NRXN3: variants seen among roughly 807,000 people sequenced by gnomAD.
NRXN3 encodes the protein neurexin 3, also known as neurexin III.
NRXN3 carries 32 observed loss-of-function variants against 137.6 expected under a neutral mutation model. The observed-to-expected ratio is 0.23, with a 90% confidence interval of 0.18 to 0.31. NRXN3 has a LOEUF of 0.31. Among genes scored for constraint, NRXN3 ranks in the 10% least tolerant of loss-of-function variants. The pLI is 1.00. For synonymous variants in NRXN3, 798 were observed against 784.5 expected (o/e 1.02, Z -0.29); for missense variants, 1,574 against 2,062.5 (o/e 0.76, Z 4.59).
intron 20 of NRXN3, among the ~76,000 whole-genome samples, chr14:79,837,530 C>T (rs1304366563): frequency 2.0e-5 from 3 of 152,172 alleles, no homozygotes; most frequent in Non-Finnish European, 2.9e-5. Context: ...TACTTATCTC[C>T]TTGCCTTCTC....
At chr14:78,525,498 C>A (rs1200170604) in intron 4 of NRXN3, among the ~76,000 whole-genome samples, 1 of 152,096 alleles carries the variant, frequency 6.6e-6, no homozygotes, top group Non-Finnish European at 1.5e-5. Context: ...TAGATAAAGA[C>A]AGGGATTCTC....
chr14:79,163,582 T>C (rs986590532), intron 15 of NRXN3, among the ~76,000 whole-genome samples: 1 of 151,956 alleles, frequency 6.6e-6, no homozygotes, highest in Non-Finnish European at 1.5e-5. Context: ...TTCCTTCTTG[T>C]CCTTGATATA....
At chr14:79,852,595 T>C (rs1477929990) in intron 20 of NRXN3, among the ~76,000 whole-genome samples, 1 of 152,110 alleles carries the variant, frequency 6.6e-6, no homozygotes, top group Non-Finnish European at 1.5e-5. Flanking sequence ...TTTTTATTTT[T>C]TCAAAGCAAA....
intron 8 of NRXN3, chr14:78,744,473 GAGAAAA>G (rs2098597977): frequency 1.3e-5 from 2 of 152,152 alleles, no homozygotes; most frequent in African/African-American, 4.8e-5. Flanking sequence ...GTTTGCCTTG[GAGAAAA>G]AGAGAATTTC....
At chr14:79,082,943 T>G (rs2047347220) in intron 15 of NRXN3, among the ~76,000 whole-genome samples, 1 of 152,200 alleles carries the variant, frequency 6.6e-6, no homozygotes, top group African/African-American at 2.4e-5. Context: ...GATTTTTCAC[T>G]AGGGGGACAG....
At chr14:78,563,274 A>G (rs2096804285) in intron 4 of NRXN3, among the ~76,000 whole-genome samples, 1 of 152,200 alleles carries the variant, frequency 6.6e-6, no homozygotes, top group Admixed American at 6.5e-5. Flanking sequence ...TCCAATATTC[A>G]TCGATTAGGG....
intron 15 of NRXN3, among the ~76,000 whole-genome samples, chr14:79,287,441 A>G (rs2082447880): frequency 6.6e-6 from 1 of 152,188 alleles, no homozygotes; most frequent in Non-Finnish European, 1.5e-5. Context: ...ATTTGCAGTA[A>G]ACCTGTGCAG....
intron 15 of NRXN3, among the ~76,000 whole-genome samples, chr14:79,165,593 T>C (rs532944397): frequency 1.3e-5 from 2 of 152,158 alleles, no homozygotes; most frequent in Admixed American, 1.3e-4. Flanking sequence ...ACAGTCTTTA[T>C]GTCATGATTT....
intron 8 of NRXN3, among the ~76,000 whole-genome samples, chr14:78,723,349 G>A (rs924244145): frequency 2.0e-5 from 3 of 152,198 alleles, no homozygotes; most frequent in African/African-American, 7.2e-5. Context: ...ATAAAAAAGG[G>A]GCAATGTCAA....
intron 2 of NRXN3, among the ~76,000 whole-genome samples, chr14:78,245,812 G>T (rs1421336438): frequency 1.3e-5 from 2 of 152,142 alleles, no homozygotes; most frequent in Non-Finnish European, 2.9e-5. Context: ...AGCTGGAGAT[G>T]CCAGGCATAT....
chr14:78,994,748 G>T (rs960804420), intron 15 of NRXN3, among the ~76,000 whole-genome samples: 1 of 152,122 alleles, frequency 6.6e-6, no homozygotes, highest in Non-Finnish European at 1.5e-5. Context: ...TGAAACTTTG[G>T]TGTAACATAA....
At chr14:78,512,904 T>A (rs1467807203) in intron 4 of NRXN3, among the ~76,000 whole-genome samples, 2 of 152,192 alleles carry the variant, frequency 1.3e-5, no homozygotes, top group African/African-American at 4.8e-5. Context: ...AGAGTGCTAT[T>A]GATATAATTT....
chr14:78,367,455 A>G (rs1412467143), intron 4 of NRXN3, among the ~76,000 whole-genome samples: 1 of 152,238 alleles, frequency 6.6e-6, no homozygotes, highest in East Asian at 1.9e-4. Flanking sequence ...GTGGTCTGAT[A>G]GTGACCTTAT....
At chr14:78,861,463 T>C (rs541989052) in intron 10 of NRXN3, among the ~76,000 whole-genome samples, 10 of 152,272 alleles carry the variant, frequency 6.6e-5, no homozygotes, top group Middle Eastern at 3.4e-3. Flanking sequence ...AAATAAGAGT[T>C]CACACCTTCT....
intron 4 of NRXN3, among the ~76,000 whole-genome samples, chr14:78,428,137 C>T (rs2153684535): frequency 6.6e-6 from 1 of 152,318 alleles, no homozygotes; most frequent in African/African-American, 2.4e-5. Flanking sequence ...AAACCACAAA[C>T]ATAGCACCTG....
At chr14:79,416,758 C>T (rs191559554) in intron 15 of NRXN3, among the ~76,000 whole-genome samples, 2 of 152,132 alleles carry the variant, frequency 1.3e-5, no homozygotes, top group African/African-American at 4.8e-5. Flanking sequence ...TTCTTCTATG[C>T]AGATTTCATT....
At chr14:79,723,006 A>G (rs2098850901) in intron 19 of NRXN3, among the ~76,000 whole-genome samples, 1 of 152,104 alleles carries the variant, frequency 6.6e-6, no homozygotes, top group Admixed American at 6.6e-5. Context: ...GGCTTTAGTC[A>G]GAGTTATTTG....
At chr14:79,080,879 C>T (rs1354387186) in intron 15 of NRXN3, among the ~76,000 whole-genome samples, 1 of 152,138 alleles carries the variant, frequency 6.6e-6, no homozygotes. Context: ...ATTTAGTGGT[C>T]CAAACACAGT....
chr14:79,268,572 TC>T (rs1351191561), intron 15 of NRXN3, among the ~76,000 whole-genome samples: 8 of 152,282 alleles, frequency 5.3e-5, no homozygotes, highest in African/African-American at 1.9e-4. Context: ...TCATCCACAT[TC>T]CAGAAAAGGG....
Sources: gnomAD v4.1 joint callset for allele counts (sites outside exome capture counted in the v4.1 genomes callset) on GRCh38, gnomAD v4.1.1 for gene constraint, MANE v1.5 for transcripts, NCBI Gene and HGNC (gene_info 2026-07-23, HGNC 2026-07-21) for gene names.